The following LOC122539214 variants were observed in gnomAD, a reference collection of about 807,000 sequenced individuals.
chr19:52,665,159 C>G, the LOC122539214 span, among the ~76,000 whole-genome samples: 1 of 152,126 alleles, frequency 6.6e-6, no homozygotes, highest in South Asian at 2.1e-4. Flanking sequence ...GGAGAGTCCA[C>G]CCTGTGCTCA....
At chr19:52,680,774 G>C in the LOC122539214 span, among the ~76,000 whole-genome samples, 1 of 145,748 alleles carries the variant, frequency 6.9e-6, no homozygotes, top group South Asian at 2.2e-4. Context: ...CACTACGCCC[G>C]GCTAATTTTT....
At chr19:52,655,292 G>A in the LOC122539214 span, 1 of 330,112 alleles carries the variant, frequency 3.0e-6, no homozygotes, top group Non-Finnish European at 5.5e-6. Flanking sequence ...TCTGCTCAGG[G>A]CTACCAGGGG....
the LOC122539214 span, chr19:52,653,305 T>C: frequency 7.3e-7 from 1 of 1,365,788 alleles, no homozygotes; most frequent in Non-Finnish European, 1.0e-6. Flanking sequence ...ACCACATTCA[T>C]TACATGTGTA....
At chr19:52,668,793 C>T in the LOC122539214 span, among the ~76,000 whole-genome samples, 2 of 152,238 alleles carry the variant, frequency 1.3e-5, no homozygotes, top group Non-Finnish European at 1.5e-5. Context: ...TGTCCCCTTT[C>T]CACGAGGGCT....
At chr19:52,687,422 AAAT>A in the LOC122539214 span, among the ~76,000 whole-genome samples, 503 of 50,946 alleles carry the variant, frequency 9.9e-3, 199 homozygotes, top group African/African-American at 0.05. Flanking sequence ...ATTATAATAT[AAAT>A]TATAATTTAT....
chr19:52,685,246 GACGCTC>G, the LOC122539214 span, among the ~76,000 whole-genome samples: 5 of 152,116 alleles, frequency 3.3e-5, no homozygotes, highest in Non-Finnish European at 7.3e-5. Context: ...AAGTTGCAGG[GACGCTC>G]ACTGGGCTCA....
chr19:52,670,936 G>A, the LOC122539214 span, among the ~76,000 whole-genome samples: 1 of 152,182 alleles, frequency 6.6e-6, no homozygotes, highest in African/African-American at 2.4e-5. Context: ...TTCTTTTGAA[G>A]TCCTCTGCTG....
the LOC122539214 span, among the ~76,000 whole-genome samples, chr19:52,660,107 C>T: frequency 1.3e-5 from 2 of 151,904 alleles, no homozygotes; most frequent in African/African-American, 2.4e-5. Context: ...AGGAGAATTG[C>T]GGTGGTAAGA....
the LOC122539214 span, among the ~76,000 whole-genome samples, chr19:52,672,957 A>G: frequency 6.6e-6 from 1 of 152,206 alleles, no homozygotes; most frequent in African/African-American, 2.4e-5. Flanking sequence ...CTATTATTTC[A>G]TAACACAACA....
At chr19:52,652,577 G>T in the LOC122539214 span, 1 of 432,168 alleles carries the variant, frequency 2.3e-6, no homozygotes. Context: ...TTTCCAGTAT[G>T]AGTTCACTGA....
chr19:52,682,445 G>C, the LOC122539214 span, among the ~76,000 whole-genome samples: 7 of 152,014 alleles, frequency 4.6e-5, no homozygotes, highest in Non-Finnish European at 7.4e-5. Flanking sequence ...GGCTGAGGTG[G>C]GCAGATCACA....
At chr19:52,680,731 G>A in the LOC122539214 span, among the ~76,000 whole-genome samples, 1 of 138,544 alleles carries the variant, frequency 7.2e-6, no homozygotes, top group Non-Finnish European at 1.5e-5. Flanking sequence ...TCCTGCCTCA[G>A]CCTCCCGAGT....
the LOC122539214 span, among the ~76,000 whole-genome samples, chr19:52,668,320 C>G: frequency 6.6e-6 from 1 of 152,200 alleles, no homozygotes; most frequent in African/African-American, 2.4e-5. Flanking sequence ...CCATTATCAT[C>G]AGAATCATGG....
chr19:52,689,576 T>G, the LOC122539214 span, among the ~76,000 whole-genome samples: 1 of 152,334 alleles, frequency 6.6e-6, no homozygotes. Context: ...CCTTCATGTC[T>G]CTGTACATCC....
the LOC122539214 span, among the ~76,000 whole-genome samples, chr19:52,660,008 T>C: frequency 8.5e-5 from 13 of 152,078 alleles, no homozygotes; most frequent in South Asian, 2.1e-4. Context: ...CTGGCCAACA[T>C]AGTGAAACCC....
chr19:52,682,654 C>T, the LOC122539214 span, among the ~76,000 whole-genome samples: 13 of 151,522 alleles, frequency 8.6e-5, no homozygotes, highest in East Asian at 5.9e-4. Context: ...GGCAACAAAG[C>T]GAGACTCCAT....
At chr19:52,668,392 T>TTTTCC in the LOC122539214 span, among the ~76,000 whole-genome samples, 15 of 152,158 alleles carry the variant, frequency 9.9e-5, no homozygotes, top group African/African-American at 2.7e-4. Flanking sequence ...TCTATCTATC[T>TTTTCC]TTTCCTTTCC....
At chr19:52,675,409 GGGA>G in the LOC122539214 span, among the ~76,000 whole-genome samples, 1 of 152,160 alleles carries the variant, frequency 6.6e-6, no homozygotes, top group African/African-American at 2.4e-5. Flanking sequence ...TATATCAAGG[GGGA>G]TACAAGGGCT....
chr19:52,656,864 C>CAAAAA, the LOC122539214 span, among the ~76,000 whole-genome samples: 64 of 136,462 alleles, frequency 4.7e-4, no homozygotes, highest in Middle Eastern at 4.0e-3. Context: ...GACTCCGTCT[C>CAAAAA]AAAAAAAAAA....
Sources: gnomAD v4.1 joint callset for allele counts (sites outside exome capture counted in the v4.1 genomes callset) on GRCh38, gnomAD v4.1.1 for gene constraint, MANE v1.5 for transcripts.